The following DHX57 variants were observed in gnomAD, a reference collection of about 807,000 sequenced individuals.
DHX57 encodes the protein putative ATP-dependent RNA helicase DHX57.
A neutral mutation model predicts 156.2 loss-of-function variants in DHX57; 105 were observed. That is an observed-to-expected ratio of 0.67 (90% CI 0.57 to 0.79). The LOEUF is 0.79. DHX57 is among the 30% of genes least tolerant of loss of function. DHX57 has a pLI of 0.00. For synonymous variants in DHX57, 704 were observed against 595.6 expected (o/e 1.18, Z -2.65); for missense variants, 1,847 against 1,661.9 (o/e 1.11, Z -1.94).
At chr2:38,803,640 A>AC (rs1270080164) in intron 22 of DHX57, among the ~76,000 whole-genome samples, 1 of 151,250 alleles carries the variant, frequency 6.6e-6, no homozygotes, top group East Asian at 1.9e-4. Context: ...GGCGCCTGCC[A>AC]CCATGCCTGG....
chr2:38,874,856 G>C (rs1665534391), intron 1 of DHX57, among the ~76,000 whole-genome samples: 1 of 152,018 alleles, frequency 6.6e-6, no homozygotes, highest in Non-Finnish European at 1.5e-5. Flanking sequence ...AAAAATAACA[G>C]GTCAAACTGA....
Position 38,798,023 on chromosome 2 carries a change from C to T in DHX57, c.*276G>A. 6.2e-6 allele frequency: 2 copies of T among 321,370 alleles called. No individual in the cohort carries two copies. Among genetic ancestry groups the T allele is most frequent in the Non-Finnish European group, 1.2e-5 (2 of 166,030 alleles). The allele number at this position is 321,370 out of a possible 1,614,324, so 19.9% of individuals were successfully genotyped here. ...ATTCACTTTTGAGTTATCAGGTGAACTTAATTCACTCCAGAACAATCACAG... is the reference window on the plus strand; with the variant it reads ...ATTCACTTTTGAGTTATCAGGTGAATTTAATTCACTCCAGAACAATCACAG... On this transcript the variant is annotated 3_prime_UTR_variant, in exon 24 of 24. Coordinates refer to ENST00000457308, the MANE Select transcript of DHX57 (RefSeq NM_198963.3).
chr2:38,801,929 G>T (rs1219227521), intron 23 of DHX57, among the ~76,000 whole-genome samples: 1 of 152,142 alleles, frequency 6.6e-6, no homozygotes, highest in Non-Finnish European at 1.5e-5. Flanking sequence ...TACTCTCCAT[G>T]ATATGTTTTT....
intron 15 of DHX57, 86 bp from the exon 16 acceptor site, chr2:38,826,133 C>A: frequency 7.3e-7 from 1 of 1,372,190 alleles, no homozygotes. Flanking sequence ...GATGAACCAG[C>A]TTCCTCCTGT....
chr2:38,833,669 G>A, intron 13 of DHX57, among the ~76,000 whole-genome samples: 1 of 152,170 alleles, frequency 6.6e-6, no homozygotes, highest in Non-Finnish European at 1.5e-5. Context: ...TACAGTAGTA[G>A]TAATAGTGTT....
At chr2:38,806,419 T>G (rs1669937791) in intron 22 of DHX57, 140 bp downstream of exon 22, 1 of 953,778 alleles carries the variant, frequency 1.0e-6, no homozygotes, top group Non-Finnish European at 1.5e-6. Context: ...TCCAGTCTGT[T>G]TATTCTTATT....
chr2:38,872,550 C>T (rs1324067271), intron 1 of DHX57, among the ~76,000 whole-genome samples: 1 of 152,168 alleles, frequency 6.6e-6, no homozygotes, highest in East Asian at 1.9e-4. Context: ...GATGATCTTG[C>T]AAACAGCAAC....
chr2:38,801,315 A>G (rs1669665748), intron 23 of DHX57, among the ~76,000 whole-genome samples: 1 of 152,168 alleles, frequency 6.6e-6, no homozygotes, highest in East Asian at 1.9e-4. Context: ...ATCATGGCTC[A>G]CTGAAGCCTC....
Position 38,848,290 on chromosome 2 carries a change from A to G in DHX57, c.2143T>C (p.Cys715Arg). 1 of 1,604,000 alleles carries G rather than the reference A, an allele frequency of 6.2e-7. No individual in the cohort carries two copies. Among genetic ancestry groups the G allele is most frequent in the South Asian group, 1.1e-5 (1 of 88,648 alleles). The change falls in exon 10 of 24, where the codon TGC becomes CGC. Residue 715 changes from cysteine (C) to arginine (R), a missense_variant. Transcript: ENST00000457308. Reference sequence around the variant, plus strand: ...TCACCTGGTATAGTAATAACGGGGCAGGAATTAAAATAGTCTGAAAAAAGC... The same window carrying G: ...TCACCTGGTATAGTAATAACGGGGCGGGAATTAAAATAGTCTGAAAAAAGC... ...AELFSDYFNS[C>R]PVITIPGRTF...
At position 38,865,893 on chromosome 2, in the gene DHX57, A is replaced by C. The variant is rs558704643; in HGVS notation, c.224+2289T>G. On this transcript the variant is annotated intron_variant, in intron 2 of 23. Transcript: ENST00000457308. Reference sequence around the variant, plus strand: ...CTCCTAACTGGTCTCCTTGCTTTCAACTCATGCCCCTTTATAGTTTATTCT... The same window carrying C: ...CTCCTAACTGGTCTCCTTGCTTTCACCTCATGCCCCTTTATAGTTTATTCT... Among the ~76,000 whole-genome samples the C allele has an allele frequency of 1.1e-4, 16 of 152,142 alleles. No homozygotes were observed. In the East Asian group the frequency reaches 2.1e-3, roughly 20 times the overall value.
In DHX57 at chr2:38,812,879, G is replaced by T. The variant is rs537243508; in HGVS notation, c.3681+942C>A. 6.9e-5 allele frequency among the ~76,000 whole-genome samples: 6 copies of T among 87,508 alleles called. No individual in the cohort carries two copies. In the East Asian group the frequency reaches 2.3e-3, roughly 33 times the overall value. 57.4% of individuals were successfully genotyped at this position (87,508 alleles called of 152,430 possible). ...TTGTTTGTTTTTGAGACAGAGTCTC[G>T]GTCTGTGGCCCAGGCTGGGGTACAG... On this transcript the variant is annotated intron_variant, in intron 21 of 23. Coordinates refer to ENST00000457308, the MANE Select transcript of DHX57 (RefSeq NM_198963.3).
chr2:38,866,516 C>G (rs1447020648), intron 2 of DHX57, among the ~76,000 whole-genome samples: 13 of 152,164 alleles, frequency 8.5e-5, no homozygotes, highest in Admixed American at 8.5e-4. Context: ...CTGTTACACT[C>G]CTTTATTTCT....
intron 14 of DHX57, 111 bp downstream of exon 14, chr2:38,828,229 A>C: frequency 2.9e-6 from 2 of 693,474 alleles, no homozygotes; most frequent in Non-Finnish European, 4.4e-6. Flanking sequence ...CAGCTGGCAT[A>C]AACAAATGTA....
chr2:38,841,379 G>A (rs950722353), intron 12 of DHX57, among the ~76,000 whole-genome samples: 3 of 152,194 alleles, frequency 2.0e-5, no homozygotes, highest in African/African-American at 7.2e-5. Context: ...TTTTATGAGA[G>A]CCTTGGGAGT....
chr2:38,870,946 T>A (rs2124952641), intron 1 of DHX57, among the ~76,000 whole-genome samples: 1 of 151,250 alleles, frequency 6.6e-6, no homozygotes, highest in Non-Finnish European at 1.5e-5. Flanking sequence ...CCAGAAAAGC[T>A]ATCTTTCAAA....
At chr2:38,810,767 G>C in intron 21 of DHX57, 1 of 822,026 alleles carries the variant, frequency 1.2e-6, no homozygotes, top group Non-Finnish European at 2.1e-6. Flanking sequence ...CGCACTTCCT[G>C]TTCCATGGCA....
rs1292999256 is a variant in DHX57 at position 38,861,071 on chromosome 2, T to C, written c.1339A>G (p.Arg447Gly). 6.2e-7 allele frequency: 1 copy of C among 1,614,190 alleles called. No individual in the cohort carries two copies. The highest frequency in any genetic ancestry group is 2.2e-5 in the East Asian group (1 of 44,890). The change falls in exon 5 of 24, where the codon AGA (arginine) becomes GGA (glycine). Residue 447 changes from arginine (R) to glycine (G), a missense_variant. Physicochemically the swap from Arg to Gly is moderately radical, Grantham distance 125. Coordinates refer to ENST00000457308, the MANE Select transcript of DHX57 (RefSeq NM_198963.3). Reference sequence around the variant, plus strand: ...TTATGACAGGCAGGATTATTTATTCTGGTCCTAGAGGGTACTGGCAGAAAG... The same window carrying C: ...TTATGACAGGCAGGATTATTTATTCCGGTCCTAGAGGGTACTGGCAGAAAG... ...VNFLPVPSRTRINNPACHKTV... is the reference protein window; with the variant it reads ...VNFLPVPSRTGINNPACHKTV...
At chr2:38,867,593 C>T (rs989517602) in intron 2 of DHX57, among the ~76,000 whole-genome samples, 3 of 152,200 alleles carry the variant, frequency 2.0e-5, no homozygotes, top group Non-Finnish European at 2.9e-5. Flanking sequence ...GAGTCTCACT[C>T]TGTCACCCAG....
Position 38,837,951 on chromosome 2 carries a change from A to C in DHX57, c.2426-4T>G, listed in dbSNP as rs754563077. ...TTGATGACTGACTTGCTAACCCCTG[A>C]AAGAAAGAAAGGTAAAAATGAGAAG... On this transcript the variant is annotated splice_polypyrimidine_tract_variant and splice_region_variant and intron_variant, in intron 12 of 23. Transcript: ENST00000457308. 4 of 1,565,952 alleles carry C rather than the reference A, an allele frequency of 2.6e-6. No homozygotes were observed. Among genetic ancestry groups the C allele is most frequent in the Non-Finnish European group, 3.5e-6 (4 of 1,136,602 alleles).
Sources: allele counts gnomAD v4.1 joint callset (sites outside exome capture counted in the v4.1 genomes callset), GRCh38; gene constraint gnomAD v4.1.1; transcripts MANE v1.5; gene names NCBI Gene and HGNC (gene_info 2026-07-23, HGNC 2026-07-21).